The following GALNT1 variants were observed in gnomAD, a reference collection of about 807,000 sequenced individuals.
GALNT1 encodes the protein GalNAc transferase 1.
Under a neutral mutation model 65.7 loss-of-function variants are expected in GALNT1, and 17 were observed. The observed-to-expected ratio is 0.26, with a 90% confidence interval of 0.18 to 0.39. The LOEUF (loss-of-function observed/expected upper bound fraction) is 0.39, where lower values mean the gene tolerates loss of function less well. Among genes scored for constraint, GALNT1 ranks in the 10% least tolerant of loss-of-function variants. The pLI is 1.00. For missense variants in GALNT1, 460 were observed against 672.8 expected, an observed-to-expected ratio of 0.68 and a Z score of 3.50; for synonymous variants, 210 against 219.7, an observed-to-expected ratio of 0.96 and a Z score of 0.39.
At chr18:35,669,982 A>C (rs1401315464) in intron 3 of GALNT1, among the ~76,000 whole-genome samples, 1 of 152,224 alleles carries the variant, frequency 6.6e-6, no homozygotes, top group African/African-American at 2.4e-5. Flanking sequence ...AAAGAATTAG[A>C]GGATTAGAAT....
At chr18:35,709,390 T>A (rs1318990271) in intron 11 of GALNT1, among the ~76,000 whole-genome samples, 1 of 151,904 alleles carries the variant, frequency 6.6e-6, no homozygotes, top group Non-Finnish European at 1.5e-5. Flanking sequence ...CCCCAGTGCC[T>A]TTCTCCCTCC....
At chr18:35,687,734 AT>A (rs906768266) in intron 6 of GALNT1, among the ~76,000 whole-genome samples, 2 of 151,540 alleles carry the variant, frequency 1.3e-5, no homozygotes, top group South Asian at 2.1e-4. Flanking sequence ...TCATATATAG[AT>A]TTTTTTTTCA....
At chr18:35,694,598 G>A (rs2048023777) in intron 9 of GALNT1, among the ~76,000 whole-genome samples, 1 of 152,210 alleles carries the variant, frequency 6.6e-6, no homozygotes, top group Non-Finnish European at 1.5e-5. Flanking sequence ...CAAAGGAAAT[G>A]AACGCAGGGT....
At chr18:35,584,769 G>A (rs1041267209) in intron 1 of GALNT1, among the ~76,000 whole-genome samples, 1 of 152,190 alleles carries the variant, frequency 6.6e-6, no homozygotes, top group Non-Finnish European at 1.5e-5. Context: ...ATTCACAGTA[G>A]TGTTTGCCCT....
At chr18:35,636,553 T>C (rs1251014689) in intron 1 of GALNT1, among the ~76,000 whole-genome samples, 2 of 152,224 alleles carry the variant, frequency 1.3e-5, no homozygotes, top group African/African-American at 4.8e-5. Context: ...CCTTAATTGA[T>C]ATTTCTCTTT....
intron 2 of GALNT1, among the ~76,000 whole-genome samples, chr18:35,663,069 A>G (rs73418875): frequency 2.6e-5 from 4 of 152,342 alleles, no homozygotes; most frequent in African/African-American, 9.6e-5. Flanking sequence ...CAGAAAAGCT[A>G]CAGGGAAGAG....
intron 5 of GALNT1, among the ~76,000 whole-genome samples, 194 bp from the exon 6 acceptor site, chr18:35,686,822 A>G (rs1450595503): frequency 6.6e-6 from 1 of 152,196 alleles, no homozygotes; most frequent in African/African-American, 2.4e-5. Context: ...AGGTGGGAAG[A>G]TCACTTGAGG....
At chr18:35,615,294 T>C (rs1263875009) in intron 1 of GALNT1, among the ~76,000 whole-genome samples, 2 of 152,148 alleles carry the variant, frequency 1.3e-5, no homozygotes, top group Non-Finnish European at 2.9e-5. Flanking sequence ...GAACTCTAAG[T>C]ACGTGGAAAG....
At chr18:35,588,406 C>T (rs1051749210) in intron 1 of GALNT1, among the ~76,000 whole-genome samples, 1 of 152,182 alleles carries the variant, frequency 6.6e-6, no homozygotes, top group South Asian at 2.1e-4. Context: ...TGATACATTT[C>T]GGTGTGGATT....
intron 9 of GALNT1, among the ~76,000 whole-genome samples, chr18:35,698,906 C>T (rs554926604): frequency 9.2e-5 from 14 of 152,082 alleles, no homozygotes; most frequent in South Asian, 4.2e-4. Flanking sequence ...TGCTTGAACC[C>T]GGGAGGCAGA....
chr18:35,651,415 T>G (rs564573742), intron 1 of GALNT1, among the ~76,000 whole-genome samples: 2 of 152,312 alleles, frequency 1.3e-5, no homozygotes, highest in East Asian at 3.8e-4. Context: ...ATATATTAAT[T>G]TTTTCTAGTA....
chr18:35,592,714 G>C (rs962846336), intron 1 of GALNT1, among the ~76,000 whole-genome samples: 15 of 152,192 alleles, frequency 9.9e-5, no homozygotes, highest in African/African-American at 3.6e-4. Flanking sequence ...GAGATCAGTT[G>C]GGAAGCTCTT....
chr18:35,689,120 C>A, intron 6 of GALNT1, 53 bp from the exon 7 acceptor site: 1 of 1,175,516 alleles, frequency 8.5e-7, no homozygotes, highest in African/African-American at 1.5e-5. Context: ...AAAACAAAAA[C>A]TGATTGATTG....
intron 1 of GALNT1, among the ~76,000 whole-genome samples, chr18:35,595,469 C>T (rs1363259737): frequency 6.6e-6 from 1 of 152,098 alleles, no homozygotes; most frequent in African/African-American, 2.4e-5. Context: ...TCAGATTTCC[C>T]TTAAACTTTT....
intron 1 of GALNT1, among the ~76,000 whole-genome samples, chr18:35,608,996 GTAAAGAGCAA>G (rs1405723782): frequency 4.6e-5 from 7 of 152,144 alleles, no homozygotes; most frequent in African/African-American, 9.7e-5. Context: ...ACCTACCACA[GTAAAGAGCAA>G]TCACATATGT....
chr18:35,704,158 G>A (rs1212717137), intron 11 of GALNT1, among the ~76,000 whole-genome samples: 2 of 152,140 alleles, frequency 1.3e-5, no homozygotes, highest in East Asian at 1.9e-4. Flanking sequence ...TAAAGCATCC[G>A]TGGTAAACCT....
chr18:35,680,369 A>C (rs2047768402), intron 4 of GALNT1, among the ~76,000 whole-genome samples: 1 of 152,030 alleles, frequency 6.6e-6, no homozygotes, highest in Non-Finnish European at 1.5e-5. Flanking sequence ...ACATCTCATA[A>C]CACTCTACTC....
intron 5 of GALNT1, among the ~76,000 whole-genome samples, chr18:35,684,534 AC>A (rs1294218059): frequency 6.6e-6 from 1 of 152,150 alleles, no homozygotes; most frequent in Non-Finnish European, 1.5e-5. Flanking sequence ...ATAACACACA[AC>A]CCATAGAGAG....
chr18:35,606,556 A>G (rs1286892824), intron 1 of GALNT1, among the ~76,000 whole-genome samples: 1 of 152,192 alleles, frequency 6.6e-6, no homozygotes, highest in Non-Finnish European at 1.5e-5. Context: ...AAGGAATACC[A>G]ATTTCTAGAT....
Sources: gnomAD v4.1 joint callset for allele counts (sites outside exome capture counted in the v4.1 genomes callset) on GRCh38, gnomAD v4.1.1 for gene constraint, MANE v1.5 for transcripts, NCBI Gene and HGNC (gene_info 2026-07-23, HGNC 2026-07-21) for gene names.